NBAS: variants seen among roughly 807,000 people sequenced by gnomAD.
NBAS encodes NBAS subunit of NRZ tethering complex.
Under a neutral mutation model 302.5 loss-of-function variants are expected in NBAS, and 219 were observed. The ratio of observed to expected loss-of-function variants is 0.72; its 90% confidence interval spans 0.65 to 0.81. The LOEUF is 0.81. NBAS is among the 30% of genes least tolerant of loss of function. The probability of loss-of-function intolerance (pLI) is 0.00; values close to 1 mark genes in which losing one functional copy is unlikely to be tolerated. For missense variants in NBAS, 2,932 were observed against 2,841.6 expected, an observed-to-expected ratio of 1.03 and a Z score of -0.72; for synonymous variants, 1,118 against 1,021.6, an observed-to-expected ratio of 1.09 and a Z score of -1.80.
chr2:15,071,656 T>C, the NBAS span, among the ~76,000 whole-genome samples: 1 of 148,442 alleles, frequency 6.7e-6, no homozygotes, highest in African/African-American at 2.5e-5. Flanking sequence ...ATTGCCCAGC[T>C]CCAGTATTAA....
At chr2:15,506,065 A>T (rs982020312) in intron 10 of NBAS, among the ~76,000 whole-genome samples, 1 of 152,042 alleles carries the variant, frequency 6.6e-6, no homozygotes, top group Admixed American at 6.5e-5. Flanking sequence ...AATGAAAATG[A>T]GTTAAGAAGT....
chr2:15,190,821 T>C (rs968404049), intron 48 of NBAS, among the ~76,000 whole-genome samples: 1 of 152,226 alleles, frequency 6.6e-6, no homozygotes, highest in South Asian at 2.1e-4. Flanking sequence ...AATCTTCATG[T>C]TGTCTAGAAA....
At chr2:15,543,422 T>C (rs1663947179) in intron 6 of NBAS, among the ~76,000 whole-genome samples, 1 of 152,230 alleles carries the variant, frequency 6.6e-6, no homozygotes, top group Admixed American at 6.5e-5. Flanking sequence ...TTCATGTCCT[T>C]CACAGCTCTT....
chr2:15,269,457 A>G (rs1669221701), intron 44 of NBAS, among the ~76,000 whole-genome samples: 1 of 152,154 alleles, frequency 6.6e-6, no homozygotes, highest in Non-Finnish European at 1.5e-5. Flanking sequence ...TTCCAAGTGA[A>G]CAAAGCGAGA....
chr2:15,062,268 G>C, the NBAS span, among the ~76,000 whole-genome samples: 1 of 152,222 alleles, frequency 6.6e-6, no homozygotes, highest in African/African-American at 2.4e-5. Flanking sequence ...CTCAGCCATT[G>C]AGCTTGAAGG....
At chr2:14,864,077 G>C in the NBAS span, among the ~76,000 whole-genome samples, 1 of 152,132 alleles carries the variant, frequency 6.6e-6, no homozygotes, top group African/African-American at 2.4e-5. Context: ...CCAGCACTTT[G>C]GGAGGGCAAG....
chr2:15,254,630 T>G (rs895756929), intron 44 of NBAS, among the ~76,000 whole-genome samples: 1 of 152,220 alleles, frequency 6.6e-6, no homozygotes, highest in African/African-American at 2.4e-5. Context: ...TCTGATATTT[T>G]GGTGTACCCA....
chr2:14,985,556 A>G, the NBAS span, among the ~76,000 whole-genome samples: 1 of 152,228 alleles, frequency 6.6e-6, no homozygotes, highest in Non-Finnish European at 1.5e-5. Flanking sequence ...TAAAAAATAT[A>G]AATCGTTTCC....
At chr2:14,815,943 T>G in the NBAS span, among the ~76,000 whole-genome samples, 2 of 152,262 alleles carry the variant, frequency 1.3e-5, no homozygotes, top group Non-Finnish European at 2.9e-5. Flanking sequence ...ATACTAAAAT[T>G]TTTACATCCC....
At chr2:14,963,507 T>G in the NBAS span, among the ~76,000 whole-genome samples, 1 of 152,174 alleles carries the variant, frequency 6.6e-6, no homozygotes, top group Non-Finnish European at 1.5e-5. Flanking sequence ...TCAAATTATT[T>G]TCTTTCAACA....
At chr2:15,261,671 A>G (rs778780740) in intron 44 of NBAS, among the ~76,000 whole-genome samples, 4 of 152,154 alleles carry the variant, frequency 2.6e-5, no homozygotes, top group Non-Finnish European at 4.4e-5. Flanking sequence ...TACATTCCTA[A>G]GTTTTTCAAT....
At chr2:15,234,155 C>T (rs1667491622) in intron 46 of NBAS, among the ~76,000 whole-genome samples, 1 of 152,162 alleles carries the variant, frequency 6.6e-6, no homozygotes, top group South Asian at 2.1e-4. Context: ...TCAAAACAAC[C>T]TTCTGGGAAC....
At chr2:15,243,542 CA>C (rs1052805427) in intron 44 of NBAS, among the ~76,000 whole-genome samples, 19 of 143,664 alleles carry the variant, frequency 1.3e-4, no homozygotes, top group Admixed American at 1.2e-3. Flanking sequence ...AAGAGGGAGG[CA>C]ATATGTGGCT....
intron 25 of NBAS, among the ~76,000 whole-genome samples, chr2:15,407,938 G>A (rs1051855216): frequency 6.6e-6 from 1 of 152,062 alleles, no homozygotes; most frequent in African/African-American, 2.4e-5. Context: ...CTTCTAGAGG[G>A]TGCCCACACT....
At chr2:14,793,917 G>GA in the NBAS span, among the ~76,000 whole-genome samples, 3 of 151,848 alleles carry the variant, frequency 2.0e-5, no homozygotes, top group East Asian at 3.9e-4. Flanking sequence ...CGAGTACCGT[G>GA]AAAAAAAATG....
chr2:15,033,254 G>T, the NBAS span, among the ~76,000 whole-genome samples: 1 of 152,138 alleles, frequency 6.6e-6, no homozygotes, highest in African/African-American at 2.4e-5. Context: ...CTTTTGAACT[G>T]GGAATAAATA....
chr2:14,907,087 C>A, the NBAS span, among the ~76,000 whole-genome samples: 1 of 152,154 alleles, frequency 6.6e-6, no homozygotes, highest in Non-Finnish European at 1.5e-5. Flanking sequence ...TTGCTTCCTG[C>A]GTTTCTTCAC....
At chr2:15,273,173 T>G (rs1251789800) in intron 44 of NBAS, among the ~76,000 whole-genome samples, 1 of 152,124 alleles carries the variant, frequency 6.6e-6, no homozygotes, top group African/African-American at 2.4e-5. Flanking sequence ...GGGAGCAAAG[T>G]CACCCTCACC....
the NBAS span, among the ~76,000 whole-genome samples, chr2:14,821,205 G>T: frequency 6.6e-6 from 1 of 152,128 alleles, no homozygotes; most frequent in Non-Finnish European, 1.5e-5. Flanking sequence ...GATTACAGGC[G>T]TGAGCCACCG....
Sources: gnomAD v4.1 joint callset for allele counts (sites outside exome capture counted in the v4.1 genomes callset) on GRCh38, gnomAD v4.1.1 for gene constraint, MANE v1.5 for transcripts, NCBI Gene and HGNC (gene_info 2026-07-23, HGNC 2026-07-21) for gene names.